TMC1: variants seen among roughly 807,000 people sequenced by gnomAD.
TMC1 encodes transmembrane channel like 1, also known as transmembrane channel-like protein 1.
A neutral mutation model predicts 105.8 loss-of-function variants in TMC1; 84 were observed. The observed-to-expected ratio is 0.79, with a 90% CI of 0.67 to 0.95. The LOEUF is 0.95. Among genes scored for constraint, TMC1 ranks in the 40% least tolerant of loss-of-function variants. The pLI is 0.00. For missense variants in TMC1, 817 were observed against 914.1 expected, an observed-to-expected ratio of 0.89 and a Z score of 1.37; for synonymous variants, 315 against 311.5, an observed-to-expected ratio of 1.01 and a Z score of -0.12.
intron 1 of TMC1, among the ~76,000 whole-genome samples, chr9:72,547,715 A>G (rs1823795569): frequency 6.6e-6 from 1 of 152,240 alleles, no homozygotes; most frequent in South Asian, 2.1e-4. Flanking sequence ...TCAGAAAAAG[A>G]ACCAAAGACT....
chr9:72,596,833 A>C (rs1175426116), intron 2 of TMC1, among the ~76,000 whole-genome samples: 2 of 152,218 alleles, frequency 1.3e-5, no homozygotes, highest in African/African-American at 4.8e-5. Flanking sequence ...CTAAAGAAAG[A>C]AAAAAGAAGG....
At chr9:72,529,069 G>A (rs1272532676) in intron 1 of TMC1, among the ~76,000 whole-genome samples, 1 of 149,978 alleles carries the variant, frequency 6.7e-6, no homozygotes, top group Non-Finnish European at 1.5e-5. Context: ...GTGAGAGAAT[G>A]TGCACAGGTT....
intron 6 of TMC1, among the ~76,000 whole-genome samples, chr9:72,692,873 C>T (rs1341551985): frequency 1.3e-5 from 2 of 152,114 alleles, no homozygotes; most frequent in African/African-American, 4.8e-5. Context: ...AATCCCAGCA[C>T]TTTGGGAGGC....
intron 10 of TMC1, among the ~76,000 whole-genome samples, chr9:72,746,817 T>C (rs1223917154): frequency 6.6e-6 from 1 of 152,178 alleles, no homozygotes; most frequent in East Asian, 1.9e-4. Context: ...TACTGTGACG[T>C]TATGCATCAC....
intron 2 of TMC1, among the ~76,000 whole-genome samples, chr9:72,593,620 G>A (rs866190694): frequency 2.0e-5 from 3 of 151,436 alleles, no homozygotes; most frequent in East Asian, 1.9e-4. Context: ...TTGAACGCCC[G>A]ATCTCAGGTG....
At chr9:72,653,611 C>A (rs541976005) in intron 5 of TMC1, among the ~76,000 whole-genome samples, 8 of 152,200 alleles carry the variant, frequency 5.3e-5, no homozygotes, top group African/African-American at 1.9e-4. Context: ...TTAAAATCAG[C>A]CTTAGTATAC....
rs1252510367 is a variant in TMC1, at chr9:72,701,424, G to A, written c.362+781G>A. ...CACACTATATTTCCCTGCCCTGGTG[G>A]TTGGGAGAGGAGGAAAGGGCAGGGA... On this transcript the variant is annotated intron_variant, in intron 8 of 23. Coordinates refer to ENST00000297784, the MANE Select transcript of TMC1 (RefSeq NM_138691.3). Among the ~76,000 whole-genome samples the A allele has an allele frequency of 3.9e-5, 6 of 152,184 alleles. No homozygotes were observed. The East Asian group carries it at 1.2e-3, about 29-fold the overall frequency.
intron 2 of TMC1, among the ~76,000 whole-genome samples, chr9:72,598,274 G>A (rs1005743185): frequency 1.3e-5 from 2 of 152,036 alleles, no homozygotes; most frequent in African/African-American, 2.4e-5. Context: ...CTCTTGCTCC[G>A]ACAACCCATC....
intron 8 of TMC1, among the ~76,000 whole-genome samples, chr9:72,738,699 T>G (rs1300087455): frequency 6.6e-6 from 1 of 152,342 alleles, no homozygotes; most frequent in South Asian, 2.1e-4. Flanking sequence ...ATTACAGGTA[T>G]GAGCCACTGT....
chr9:72,751,774 G>A, intron 10 of TMC1, 76 bp from the exon 11 acceptor site: 1 of 921,562 alleles, frequency 1.1e-6, no homozygotes, highest in Non-Finnish European at 1.8e-6. Flanking sequence ...CATTTTGAAG[G>A]CAACCAAGAC....
In TMC1 at chr9:72,805,366, GATAAT is replaced by G; in HGVS notation, c.1567-13_1567-9del. The G allele has an allele frequency of 1.2e-6, 2 of 1,612,948 alleles. No individual in the cohort carries two copies. Among genetic ancestry groups the G allele is most frequent in the Non-Finnish European group, 1.7e-6 (2 of 1,179,280 alleles). On this transcript the variant is annotated splice_polypyrimidine_tract_variant and intron_variant, in intron 17 of 23. Transcript: ENST00000297784. The stretch of plus-strand genomic sequence containing the variant: ...AGACAGAACTGTGTGTTTTAATAGA[GATAAT>G]ATCTCAACAGGAGTTTGTGAGGCTG...
intron 20 of TMC1, among the ~76,000 whole-genome samples, chr9:72,823,048 T>C (rs1828900685): frequency 6.6e-6 from 1 of 152,230 alleles, no homozygotes; most frequent in Middle Eastern, 3.2e-3. Context: ...TTTTTTAATT[T>C]CCATAGGTTA....
intron 3 of TMC1, among the ~76,000 whole-genome samples, chr9:72,618,140 T>C (rs1825171509): frequency 6.6e-6 from 1 of 150,914 alleles, no homozygotes; most frequent in African/African-American, 2.4e-5. Context: ...GTGACTCTCT[T>C]GCCTCAGCCT....
rs1176297915 is a variant in TMC1 at position 72,617,949 on chromosome 9, GTA to G, written c.-196+1474_-196+1475del. ...TGTGTGTGTGTGTGTGTGTGTGTGT[GTA>G]TGTGTGATTTCTAGAGGGACAGAGG... On this transcript the variant is annotated intron_variant, in intron 3 of 23. Transcript: ENST00000297784. 1.2e-3 allele frequency among the ~76,000 whole-genome samples: 159 copies of G among 128,968 alleles called. 1 individual carries two copies. Among genetic ancestry groups the G allele is most frequent in the Middle Eastern group, 4.1e-3 (1 of 244 alleles). The allele number at this position is 128,968 out of a possible 152,430, so 84.6% of individuals were successfully genotyped here. A position where few individuals can be genotyped will look rare whatever the true frequency, so the allele number is the denominator to read the frequency against.
In TMC1 at chr9:72,739,713, G is replaced by A. The variant is rs1473017949; in HGVS notation, c.363-406G>A. ...TATGTCAGTTTGACCTAACCTCTCT[G>A]CCCTTTTCTTTTTTCTAAAGGAATT... On this transcript the variant is annotated intron_variant, in intron 8 of 23. Transcript: ENST00000297784. 2.0e-5 allele frequency among the ~76,000 whole-genome samples: 3 copies of A among 151,930 alleles called. No individual in the cohort carries two copies. The East Asian group carries it at 5.8e-4, about 29-fold the overall frequency.
chr9:72,821,106 C>G, intron 20 of TMC1, 25 bp downstream of exon 20: 1 of 1,614,076 alleles, frequency 6.2e-7, no homozygotes, highest in Non-Finnish European at 8.5e-7. Flanking sequence ...AAATTTGACT[C>G]AGGCATCGTG....
intron 20 of TMC1, among the ~76,000 whole-genome samples, chr9:72,826,368 C>G (rs1390619196): frequency 6.6e-6 from 1 of 152,074 alleles, no homozygotes; most frequent in Non-Finnish European, 1.5e-5. Flanking sequence ...GTTACCTTAC[C>G]TATTAACATA....
intron 1 of TMC1, among the ~76,000 whole-genome samples, chr9:72,523,337 C>T (rs1446185311): frequency 3.3e-5 from 5 of 151,940 alleles, no homozygotes; most frequent in African/African-American, 9.7e-5. Flanking sequence ...TTAGGGATGC[C>T]GACCCTTGCG....
chr9:72,811,441 G>C (rs1828702690), intron 18 of TMC1, among the ~76,000 whole-genome samples: 2 of 152,144 alleles, frequency 1.3e-5, no homozygotes. Flanking sequence ...GAGTAGAATA[G>C]TTTGTCCCTA....
Sources: allele counts gnomAD v4.1 joint callset (sites outside exome capture counted in the v4.1 genomes callset), GRCh38; gene constraint gnomAD v4.1.1; transcripts MANE v1.5; gene names NCBI Gene and HGNC (gene_info 2026-07-23, HGNC 2026-07-21).